SYNE2: variants seen among roughly 807,000 people sequenced by gnomAD.
SYNE2 encodes the protein nesprin-2.
Under a neutral mutation model 856.3 loss-of-function variants are expected in SYNE2, and 431 were observed. That is an observed-to-expected ratio of 0.50 (90% CI 0.47 to 0.55). The LOEUF (loss-of-function observed/expected upper bound fraction) is 0.55. Ranked by LOEUF, SYNE2 falls within the 20% of genes least tolerant of loss-of-function variation. SYNE2 has a pLI of 0.00. For missense variants in SYNE2, 8,129 were observed against 8,023.2 expected, an observed-to-expected ratio of 1.01 and a Z score of -0.50; for synonymous variants, 2,923 against 2,872.3, an observed-to-expected ratio of 1.02 and a Z score of -0.56.
intron 1 of SYNE2, among the ~76,000 whole-genome samples, chr14:63,837,181 A>G (rs1322257966): frequency 6.6e-6 from 1 of 152,238 alleles, no homozygotes; most frequent in African/African-American, 2.4e-5. Flanking sequence ...GAGTGCCAAG[A>G]AAATTCAATG....
In SYNE2 at chr14:64,046,601, C is replaced by T. The variant is rs145698716; in HGVS notation, c.7222-1399C>T. Among the ~76,000 whole-genome samples, 300 of 152,352 alleles carry T rather than the reference C, an allele frequency of 2.0e-3. 2 individuals carry two copies. The highest frequency in any genetic ancestry group is 7.0e-3 in the African/African-American group (293 of 41,586). ...GAACTTCTGGGATCAAGCAATCCAC[C>T]TACCTCGGCCTCCCAAAGTGCTGGA... On this transcript the variant is annotated intron_variant, in intron 45 of 115. Coordinates refer to ENST00000555002, the MANE Select transcript of SYNE2 (RefSeq NM_182914.3).
intron 1 of SYNE2, among the ~76,000 whole-genome samples, chr14:63,862,312 CG>C (rs1355578231): frequency 6.6e-6 from 1 of 152,184 alleles, no homozygotes; most frequent in African/African-American, 2.4e-5. Flanking sequence ...GGCGAAGTCT[CG>C]CTCTGTCACC....
At chr14:63,815,137 CATATATAT>C in intron 1 of SYNE2, among the ~76,000 whole-genome samples, 2 of 119,086 alleles carry the variant, frequency 1.7e-5, no homozygotes, top group African/African-American at 6.3e-5. Flanking sequence ...CATATATATC[CATATATAT>C]ACACATATAT....
intron 94 of SYNE2, among the ~76,000 whole-genome samples, chr14:64,172,302 T>A (rs2098415078): frequency 6.6e-6 from 1 of 152,212 alleles, no homozygotes; most frequent in Non-Finnish European, 1.5e-5. Flanking sequence ...TGGTGGTTCC[T>A]GCTTGGGGTC....
chr14:64,216,459 T>A, intron 108 of SYNE2, 72 bp downstream of exon 108: 2 of 1,531,146 alleles, frequency 1.3e-6, no homozygotes, highest in Non-Finnish European at 1.8e-6. Context: ...AGAGAGAGAT[T>A]TTGGTGTAAA....
At position 64,146,165 on chromosome 14, in the gene SYNE2, A is replaced by G. The variant is rs971842528; in HGVS notation, c.15581A>G (p.Lys5194Arg). The G allele has an allele frequency of 1.2e-6, 2 of 1,613,022 alleles. No individual in the cohort carries two copies. The highest frequency in any genetic ancestry group is 1.7e-6 in the Non-Finnish European group (2 of 1,179,718). ...CTGGAAGCACAAGAAGAGAGACTGA[A>G]AACTTTACAAAAACCTGAAAGTGTG... ...NWLEAQEERLKTLQKPESVIS... is the reference protein window; with the variant it reads ...NWLEAQEERLRTLQKPESVIS... Residue 5194 changes from lysine to arginine, a missense_variant, in exon 84 of 116, where the codon AAA becomes AGA. This residue lies in a region of SYNE2 where 5,410 missense variants were observed against 5,284.8 expected (regional missense o/e 1.02). Coordinates refer to ENST00000555002, the MANE Select transcript of SYNE2 (RefSeq NM_182914.3).
chr14:64,005,372 G>A (rs185643650), intron 30 of SYNE2, among the ~76,000 whole-genome samples: 1 of 152,294 alleles, frequency 6.6e-6, no homozygotes, highest in African/African-American at 2.4e-5. Context: ...AGAAAGTGTT[G>A]AGATTCTGTA....
At chr14:63,966,531 GA>G (rs1010659497) in intron 10 of SYNE2, among the ~76,000 whole-genome samples, 10 of 145,508 alleles carry the variant, frequency 6.9e-5, no homozygotes, top group South Asian at 2.2e-4. Flanking sequence ...TCCAAAAAAA[GA>G]AAAAAAAAAT....
intron 1 of SYNE2, among the ~76,000 whole-genome samples, chr14:63,905,076 C>G (rs1265896320): frequency 2.0e-5 from 3 of 152,142 alleles, no homozygotes; most frequent in Admixed American, 1.3e-4. Flanking sequence ...AGTCATTTCC[C>G]CATTGCTTAC....
chr14:64,016,006 G>A (rs1320855169), intron 32 of SYNE2, among the ~76,000 whole-genome samples: 1 of 151,912 alleles, frequency 6.6e-6, no homozygotes, highest in African/African-American at 2.4e-5. Flanking sequence ...TAGCATTTTT[G>A]CCTTTTATGT....
chr14:63,989,825 T>G (rs1305373925), intron 19 of SYNE2, among the ~76,000 whole-genome samples: 2 of 151,722 alleles, frequency 1.3e-5, no homozygotes, highest in Non-Finnish European at 2.9e-5. Flanking sequence ...TAATTTTGTA[T>G]TTTTAGTAGA....
At chr14:63,933,638 A>C (rs1391334349) in intron 2 of SYNE2, among the ~76,000 whole-genome samples, 1 of 152,190 alleles carries the variant, frequency 6.6e-6, no homozygotes, top group Admixed American at 6.5e-5. Flanking sequence ...TTCCTACATT[A>C]TGTATATATA....
intron 57 of SYNE2, among the ~76,000 whole-genome samples, chr14:64,083,083 T>C (rs2097536132): frequency 6.6e-6 from 1 of 152,328 alleles, no homozygotes; most frequent in Middle Eastern, 3.4e-3. Context: ...TCAGCTCCTT[T>C]TTTTATCTTT....
intron 2 of SYNE2, 83 bp downstream of exon 2, chr14:63,909,310 GTC>G: frequency 1.1e-6 from 1 of 911,952 alleles, no homozygotes; most frequent in South Asian, 1.4e-5. Context: ...ACTGATTTTC[GTC>G]TCTCTTATGG....
intron 96 of SYNE2, among the ~76,000 whole-genome samples, chr14:64,178,610 C>T (rs1396733767): frequency 1.3e-5 from 2 of 152,092 alleles, no homozygotes; most frequent in African/African-American, 2.4e-5. Context: ...AGGCATGCAC[C>T]GCCATGCCCG....
At position 64,002,063 on chromosome 14, in the gene SYNE2, C is replaced by T; in HGVS notation, c.3768C>T (p.Arg1256=). 4 of 1,612,490 alleles carry T rather than the reference C, an allele frequency of 2.5e-6. No individual in the cohort carries two copies. Among genetic ancestry groups the T allele is most frequent in the Non-Finnish European group, 3.4e-6 (4 of 1,178,564 alleles). ...GATTTCATCTCATTGATGCTGATCG[C>T]ATCTATCAACACCTAAGGGTAAGTA... The part of the protein sequence containing the change: ...IQGFHLIDAD[R]IYQHLRNIQD... Residue 1256 remains arginine (R), a synonymous_variant, in exon 29 of 116, where the codon CGC becomes CGT. Transcript: ENST00000555002.
At chr14:63,799,346 T>C (rs948720938) in intron 1 of SYNE2, among the ~76,000 whole-genome samples, 8 of 151,686 alleles carry the variant, frequency 5.3e-5, no homozygotes, top group African/African-American at 1.9e-4. Flanking sequence ...CTCAAAGTGC[T>C]GGGATTACAG....
chr14:63,834,482 A>T (rs1208131735), intron 1 of SYNE2, among the ~76,000 whole-genome samples: 3 of 152,108 alleles, frequency 2.0e-5, no homozygotes, highest in Non-Finnish European at 4.4e-5. Context: ...CAACACAACT[A>T]TGTCAGTCTC....
chr14:64,006,930 A>G, intron 30 of SYNE2, 113 bp from the exon 31 acceptor site: 1 of 822,716 alleles, frequency 1.2e-6, no homozygotes. Context: ...TAATTTTGGC[A>G]TTAACCACAT....
Sources: gnomAD v4.1 joint callset for allele counts (sites outside exome capture counted in the v4.1 genomes callset) on GRCh38, gnomAD v4.1.1 for gene constraint, gnomAD v4.1.1 regional missense constraint, MANE v1.5 for transcripts, NCBI Gene and HGNC (gene_info 2026-07-23, HGNC 2026-07-21) for gene names.